The following UGT2B11 variants were observed in gnomAD, a reference collection of about 807,000 sequenced individuals.
The protein encoded by UGT2B11 is UDP glucuronosyltransferase family 2 member B11.
A neutral mutation model predicts 51.7 loss-of-function variants in UGT2B11; 49 were observed. That is an observed-to-expected ratio of 0.95 (90% CI 0.75 to 1.20). UGT2B11 has a LOEUF of 1.20. Ranked by LOEUF, UGT2B11 falls within the 50% of genes most tolerant of loss-of-function variation. The pLI, the probability that UGT2B11 is intolerant of heterozygous loss-of-function variation, is 0.00. For synonymous variants in UGT2B11, 273 were observed against 209.0 expected (o/e 1.31, Z -2.64); for missense variants, 810 against 622.1 (o/e 1.30, Z -3.21).
chr4:69,208,527 C>A (rs1223455811), intron 2 of UGT2B11, 45 bp from the exon 3 acceptor site: 1 of 1,593,966 alleles, frequency 6.3e-7, no homozygotes, highest in East Asian at 2.3e-5. Context: ...ATCACCACAG[C>A]AGGCACTACT....
chr4:69,218,025 T>C (rs1722318665), upstream of UGT2B11, among the ~76,000 whole-genome samples: 1 of 152,168 alleles, frequency 6.6e-6, no homozygotes, highest in African/African-American at 2.4e-5. Flanking sequence ...GCTAATACAG[T>C]CATTTTGGTT....
intron 1 of UGT2B11, among the ~76,000 whole-genome samples, chr4:69,213,754 G>A (rs940253234): frequency 6.6e-6 from 1 of 151,732 alleles, no homozygotes; most frequent in Non-Finnish European, 1.5e-5. Flanking sequence ...AAATTCTTAG[G>A]TGTACTAATA....
At chr4:69,213,734 G>A (rs1257604958) in intron 1 of UGT2B11, among the ~76,000 whole-genome samples, 3 of 151,834 alleles carry the variant, frequency 2.0e-5, no homozygotes, top group Admixed American at 6.6e-5. Flanking sequence ...AAACAGATGT[G>A]TAATTGCTTA....
At chr4:69,210,385 T>G (rs889486532) in intron 2 of UGT2B11, among the ~76,000 whole-genome samples, 5 of 151,624 alleles carry the variant, frequency 3.3e-5, no homozygotes, top group Admixed American at 2.0e-4. Context: ...TCAAGTGTCT[T>G]ATTCTCTTAA....
At chr4:69,224,606 G>T in the UGT2B11 span, among the ~76,000 whole-genome samples, 1 of 152,088 alleles carries the variant, frequency 6.6e-6, no homozygotes, top group African/African-American at 2.4e-5. Flanking sequence ...TACTCACCAC[G>T]TGACGATGTA....
chr4:69,213,966 T>A (rs368767034), intron 1 of UGT2B11, 36 bp downstream of exon 1: 1 of 1,517,812 alleles, frequency 6.6e-7, no homozygotes, highest in South Asian at 1.4e-5. Context: ...CACAAATAAG[T>A]TAGATCTTCA....
At position 69,200,315 on chromosome 4, in the gene UGT2B11, T is replaced by A; in HGVS notation, c.*125A>T. ...ACTTGACAAGGTAGATTTGAAAATT[T>A]TTTTTTTTTTTTTTTTTTTGTCACA... On this transcript the variant is annotated 3_prime_UTR_variant, in exon 6 of 6. Coordinates refer to ENST00000446444, the MANE Select transcript of UGT2B11 (RefSeq NM_001073.3). The A allele has an allele frequency of 1.6e-5, 8 of 511,382 alleles. No homozygotes were observed. Among genetic ancestry groups the A allele is most frequent in the East Asian group, 9.3e-5 (1 of 10,748 alleles). The allele number at this position is 511,382 out of a possible 1,614,324, so 31.7% of individuals were successfully genotyped here.
At position 69,200,454 on chromosome 4, in the gene UGT2B11, C is replaced by T. The variant is rs1721608102; in HGVS notation, c.1576G>A (p.Gly526Arg). Residue 526 changes from glycine to arginine, a missense_variant, in exon 6 of 6, where the codon GGA becomes AGA. Transcript: ENST00000446444. ...FWKFARKGKK[G>R]KRD ...GTCAGACATAACTAATCTCTTTTTC[C>T]CTTCTTCCCTTTTCTAGCAAACTTC... The T allele has an allele frequency of 3.1e-6, 5 of 1,610,210 alleles. No homozygotes were observed. The highest frequency in any genetic ancestry group is 4.2e-6 in the Non-Finnish European group (5 of 1,178,114).
intron 2 of UGT2B11, among the ~76,000 whole-genome samples, chr4:69,208,815 A>G (rs1353953560): frequency 6.6e-6 from 1 of 151,610 alleles, no homozygotes; most frequent in Non-Finnish European, 1.5e-5. Context: ...TATAATTACT[A>G]ATATAAGTTC....
At chr4:69,203,959 G>A (rs1010964784) in intron 5 of UGT2B11, among the ~76,000 whole-genome samples, 11 of 151,504 alleles carry the variant, frequency 7.3e-5, no homozygotes, top group African/African-American at 2.7e-4. Context: ...AAAATATTTG[G>A]ATTTTATGGC....
chr4:69,204,282 T>C, intron 5 of UGT2B11, 148 bp downstream of exon 5: 1 of 1,270,842 alleles, frequency 7.9e-7, no homozygotes, highest in Admixed American at 2.9e-5. Flanking sequence ...AAATAATAGA[T>C]GATAAAAACA....
upstream of UGT2B11, chr4:69,216,766 G>A (rs796168904): frequency 7.5e-6 from 1 of 134,178 alleles, no homozygotes; most frequent in African/African-American, 2.9e-5. Context: ...AAGGATGAAT[G>A]ATTTTGTGTT....
At chr4:69,205,010 G>A (rs1485984915) in intron 4 of UGT2B11, among the ~76,000 whole-genome samples, 1 of 151,650 alleles carries the variant, frequency 6.6e-6, no homozygotes, top group African/African-American at 2.4e-5. Context: ...GCAGGCAGTG[G>A]GTTGGTGGTG....
chr4:69,214,274 G>A lies in UGT2B11; in HGVS notation c.449C>T (p.Ala150Val), dbSNP rs745395698. 9.9e-6 allele frequency: 16 copies of A among 1,613,244 alleles called. No individual in the cohort carries two copies. The Admixed American group carries it at 2.7e-4, about 27-fold the overall frequency. The part of the protein sequence containing the change: ...LQESRFDIVF[A>V]DAVFPCGELL... ...CTCACCACAGGGAAAAACAGCATCT[G>A]CAAAAACGATGTCAAATCTTGACTC... The change falls in exon 1 of 6, where the codon GCA becomes GTA. Residue 150 changes from alanine to valine, a missense_variant. By Grantham distance (64) the Ala-to-Val change is moderately conservative. Transcript: ENST00000446444.
At chr4:69,216,965 A>G (rs544567073), upstream of UGT2B11, among the ~76,000 whole-genome samples, 5 of 152,074 alleles carry the variant, frequency 3.3e-5, no homozygotes, top group African/African-American at 1.2e-4. Flanking sequence ...TTCTCTATGT[A>G]TTTTCACAAT....
At position 69,204,654 on chromosome 4, in the gene UGT2B11, G is replaced by A; in HGVS notation, c.1091-5C>T. The A allele has an allele frequency of 1.2e-6, 2 of 1,611,244 alleles. No individual in the cohort carries two copies. The highest frequency in any genetic ancestry group is 4.5e-5 in the East Asian group (2 of 44,706). ...AAGCTCTGGTTTTTGGATGACCTAG[G>A]ATTGGATGAATTTTAGCAAAATTAT... On this transcript the variant is annotated splice_polypyrimidine_tract_variant and splice_region_variant and intron_variant, in intron 4 of 5. Coordinates refer to ENST00000446444, the MANE Select transcript of UGT2B11 (RefSeq NM_001073.3).
intron 2 of UGT2B11, among the ~76,000 whole-genome samples, chr4:69,212,021 C>G (rs1722084824): frequency 2.0e-5 from 3 of 151,486 alleles, no homozygotes; most frequent in Admixed American, 2.0e-4. Context: ...CCCTCCCCTT[C>G]ATTCTTTTAC....
At chr4:69,215,230 T>C (rs755771705), upstream of UGT2B11, 4 of 152,782 alleles carry the variant, frequency 2.6e-5, no homozygotes, top group East Asian at 7.7e-4. Context: ...ACAATCAGTT[T>C]TATCTAAAAA....
At chr4:69,218,275 A>T (rs1722326110), upstream of UGT2B11, among the ~76,000 whole-genome samples, 1 of 152,102 alleles carries the variant, frequency 6.6e-6, no homozygotes, top group Non-Finnish European at 1.5e-5. Context: ...ACAGACAACA[A>T]AATGAGATTT....
Sources: allele counts gnomAD v4.1 joint callset (sites outside exome capture counted in the v4.1 genomes callset), GRCh38; gene constraint gnomAD v4.1.1; transcripts MANE v1.5; gene names NCBI Gene and HGNC (gene_info 2026-07-23, HGNC 2026-07-21).